The following PLA2G6 variants were observed in gnomAD, a reference collection of about 807,000 sequenced individuals.
PLA2G6 encodes 85/88 kDa calcium-independent phospholipase A2.
Under a neutral mutation model 83.8 loss-of-function variants are expected in PLA2G6, and 62 were observed. The observed-to-expected ratio is 0.74, with a 90% CI of 0.60 to 0.91. The LOEUF (loss-of-function observed/expected upper bound fraction) is 0.91. Among genes scored for constraint, PLA2G6 ranks in the 40% least tolerant of loss-of-function variants. PLA2G6 has a pLI of 0.00. For synonymous variants in PLA2G6, 417 were observed against 449.8 expected (o/e 0.93, Z 0.92); for missense variants, 944 against 1,102.0 (o/e 0.86, Z 2.03).
At chr22:38,145,975 G>C (rs996771683) in intron 2 of PLA2G6, 32 of 369,744 alleles carry the variant, frequency 8.7e-5, no homozygotes, top group African/African-American at 6.1e-4. Context: ...CTGGGCTGAA[G>C]GGATCCTCCT....
chr22:38,143,360 A>C, intron 3 of PLA2G6, 72 bp from the exon 4 acceptor site: 1 of 1,438,212 alleles, frequency 7.0e-7, no homozygotes, highest in Non-Finnish European at 9.7e-7. Flanking sequence ...CTAAGTGCAC[A>C]TGCAGGGAAG....
chr22:38,142,731 C>A (rs2088993023), intron 4 of PLA2G6: 3 of 353,432 alleles, frequency 8.5e-6, no homozygotes, highest in South Asian at 7.2e-5. Flanking sequence ...ATTGGACAAG[C>A]TTGCAAAAGG....
At chr22:38,153,337 G>A (rs370448094) in intron 2 of PLA2G6, among the ~76,000 whole-genome samples, 36 of 152,250 alleles carry the variant, frequency 2.4e-4, no homozygotes, top group African/African-American at 6.3e-4. Flanking sequence ...GCCTCTGCCC[G>A]GCCCCCGCCC....
chr22:38,112,605 C>CG, intron 15 of PLA2G6, 28 bp from the exon 16 acceptor site: 1 of 1,538,504 alleles, frequency 6.5e-7, no homozygotes, highest in Non-Finnish European at 8.8e-7. Flanking sequence ...TGGTGAGTGC[C>CG]GGGCCCACAC....
At position 38,131,930 on chromosome 22, in the gene PLA2G6, C is replaced by T. The variant is rs191619177; in HGVS notation, c.1077+901G>A. The T allele has an allele frequency of 4.9e-5, 16 of 327,638 alleles. No homozygotes were observed. In the East Asian group the frequency reaches 9.7e-4, roughly 20 times the overall value. The allele number at this position is 327,638 out of a possible 1,614,324, so 20.3% of individuals were successfully genotyped here. On this transcript the variant is annotated intron_variant, in intron 7 of 16. Transcript: ENST00000332509. ...AGGAGTTCGAGACCAGCCTGGCCAA[C>T]GTGGTGAAACCCCGTCTCTACTAAA... is the stretch of plus-strand genomic sequence containing the variant.
intron 2 of PLA2G6, among the ~76,000 whole-genome samples, chr22:38,151,781 A>C (rs1352077577): frequency 6.6e-6 from 1 of 152,260 alleles, no homozygotes; most frequent in African/African-American, 2.4e-5. Context: ...GAAGATACTA[A>C]TGGACCTTGA....
chr22:38,140,423 G>A lies in PLA2G6; in HGVS notation c.610-254C>T, dbSNP rs931878198. The A allele has an allele frequency of 1.6e-4, 71 of 452,808 alleles. 1 individual carries two copies. Among genetic ancestry groups the A allele is most frequent in the South Asian group, 9.0e-4 (44 of 48,906 alleles). 28.0% of individuals were successfully genotyped at this position (452,808 alleles called of 1,614,324 possible). ...CTCAGGAACCTGAGGAAAGAGAATC[G>A]CTTGAACCCAGGAGGCAGAGGTTGC... On this transcript the variant is annotated intron_variant, in intron 4 of 16. Coordinates refer to ENST00000332509, the MANE Select transcript of PLA2G6 (RefSeq NM_003560.4).
chr22:38,158,979 A>G (rs2145886311), intron 2 of PLA2G6, among the ~76,000 whole-genome samples: 1 of 151,954 alleles, frequency 6.6e-6, no homozygotes, highest in South Asian at 2.1e-4. Flanking sequence ...CGGGTGGATC[A>G]TCTGAGGTCA....
At chr22:38,165,533 G>C (rs1159420934) in intron 2 of PLA2G6, among the ~76,000 whole-genome samples, 2 of 152,184 alleles carry the variant, frequency 1.3e-5, no homozygotes, top group Non-Finnish European at 2.9e-5. Flanking sequence ...GCAGAAACTT[G>C]ATCACACTGG....
intron 2 of PLA2G6, chr22:38,148,601 C>T (rs1440513150): frequency 4.2e-6 from 3 of 715,448 alleles, no homozygotes; most frequent in Non-Finnish European, 7.8e-6. Flanking sequence ...GGGCTCAGGA[C>T]ACAGGGACTG....
intron 14 of PLA2G6, among the ~76,000 whole-genome samples, chr22:38,115,013 C>A (rs2087104397): frequency 1.3e-5 from 2 of 152,218 alleles, no homozygotes; most frequent in African/African-American, 2.4e-5. Context: ...TGCTGTACCT[C>A]TGCAGAGAGA....
intron 2 of PLA2G6, chr22:38,167,897 T>A (rs2090282627): frequency 5.9e-6 from 1 of 169,634 alleles, no homozygotes; most frequent in Admixed American, 6.5e-5. Context: ...AGCCTCACTC[T>A]CACCAAAGCC....
chr22:38,150,808 C>T (rs2089522747), intron 2 of PLA2G6, among the ~76,000 whole-genome samples: 1 of 152,180 alleles, frequency 6.6e-6, no homozygotes, highest in African/African-American at 2.4e-5. Context: ...AAATGCTGGC[C>T]AGGCACGGCG....
intron 5 of PLA2G6, chr22:38,135,408 G>C: frequency 2.7e-6 from 1 of 368,940 alleles, no homozygotes; most frequent in Non-Finnish European, 5.2e-6. Context: ...CATGGAGAGA[G>C]TGCTGAGAGG....
At chr22:38,160,971 G>A (rs1279157697) in intron 2 of PLA2G6, among the ~76,000 whole-genome samples, 1 of 152,158 alleles carries the variant, frequency 6.6e-6, no homozygotes, top group African/African-American at 2.4e-5. Context: ...GGTTACACAG[G>A]TGTTTGTGAT....
At chr22:38,156,882 T>C (rs532498244) in intron 2 of PLA2G6, among the ~76,000 whole-genome samples, 4 of 152,288 alleles carry the variant, frequency 2.6e-5, no homozygotes, top group South Asian at 4.1e-4. Context: ...TGCTCTTGAA[T>C]GGTCAATGAA....
At chr22:38,126,762 C>G in intron 9 of PLA2G6, 3 of 416,272 alleles carry the variant, frequency 7.2e-6, no homozygotes, top group Non-Finnish European at 1.4e-5. Flanking sequence ...GCATGAATAC[C>G]CTTGCGTGTC....
At position 38,124,776 on chromosome 22, in the gene PLA2G6, C is replaced by T. The variant is rs566516722; in HGVS notation, c.1428-1518G>A. On this transcript the variant is annotated intron_variant, in intron 10 of 16. Coordinates refer to ENST00000332509, the MANE Select transcript of PLA2G6 (RefSeq NM_003560.4). ...AGAGGGCTGATAAATGGAGGAGGCC[C>T]GGGTCCCACCTCTAGGGGTCTTTTC... is the stretch of plus-strand genomic sequence containing the variant. Among the ~76,000 whole-genome samples the T allele has an allele frequency of 4.6e-5, 7 of 152,272 alleles. No homozygotes were observed. The South Asian group carries it at 8.3e-4, about 18-fold the overall frequency.
Position 38,158,956 on chromosome 22 carries a change from T to C in PLA2G6, c.209+10262A>G, listed in dbSNP as rs11570626. ...GCTCACACTTGTAATCCCAGCACTT[T>C]GGGAGGCCGAGGCGGGTGGATCATC... On this transcript the variant is annotated intron_variant, in intron 2 of 16. Transcript: ENST00000332509. 4.0e-3 allele frequency among the ~76,000 whole-genome samples: 613 copies of C among 152,166 alleles called. 3 individuals carry two copies. The highest frequency in any genetic ancestry group is 0.014 in the African/African-American group (585 of 41,524).
Sources: gnomAD v4.1 joint callset for allele counts (sites outside exome capture counted in the v4.1 genomes callset) on GRCh38, gnomAD v4.1.1 for gene constraint, MANE v1.5 for transcripts, NCBI Gene and HGNC (gene_info 2026-07-23, HGNC 2026-07-21) for gene names.